The following RANBP2 variants were observed in gnomAD, a reference collection of about 807,000 sequenced individuals.
The protein encoded by RANBP2 is E3 SUMO-protein ligase RanBP2.
Under a neutral mutation model 303.6 loss-of-function variants are expected in RANBP2, and 57 were observed. The observed-to-expected ratio is 0.19, with a 90% confidence interval of 0.15 to 0.23. The LOEUF (loss-of-function observed/expected upper bound fraction) is 0.23, where lower values mean the gene tolerates loss of function less well. Among genes scored for constraint, RANBP2 ranks in the 10% least tolerant of loss-of-function variants. The pLI, the probability that RANBP2 is intolerant of heterozygous loss-of-function variation, is 1.00. For synonymous variants in RANBP2, 1,167 were observed against 1,301.5 expected (o/e 0.90, Z 2.23); for missense variants, 3,138 against 3,780.8 (o/e 0.83, Z 4.46).
chr2:109,587,347 A>C, the RANBP2 span, among the ~76,000 whole-genome samples: 5 of 152,200 alleles, frequency 3.3e-5, no homozygotes, highest in African/African-American at 9.6e-5. Context: ...AAAAAAGATA[A>C]AACTATGACA....
chr2:108,855,686 G>C, the RANBP2 span, among the ~76,000 whole-genome samples: 1 of 152,276 alleles, frequency 6.6e-6, no homozygotes, highest in East Asian at 1.9e-4. Context: ...CAGAGGCACA[G>C]ATCTTACTTT....
downstream of RANBP2, chr2:108,789,101 G>C: frequency 1.4e-6 from 1 of 697,106 alleles, no homozygotes; most frequent in African/African-American, 1.8e-5. Context: ...TCTGGAGCCT[G>C]CTAAATAGTT....
the RANBP2 span, among the ~76,000 whole-genome samples, chr2:108,875,186 A>ACTAGACAAGGAAATAAGAAACAAAG: frequency 2.6e-5 from 4 of 151,818 alleles, no homozygotes; most frequent in Non-Finnish European, 5.9e-5. Flanking sequence ...TTGTCAAATA[A>ACTAGACAAGGAAATAAGAAACAAAG]CTAGACAAGG....
the RANBP2 span, among the ~76,000 whole-genome samples, chr2:109,369,307 C>T: frequency 6.6e-6 from 1 of 152,050 alleles, no homozygotes; most frequent in East Asian, 1.9e-4. Flanking sequence ...TGAGATTGGG[C>T]CATTGCACTC....
the RANBP2 span, among the ~76,000 whole-genome samples, chr2:108,999,323 C>T: frequency 6.6e-6 from 1 of 152,200 alleles, no homozygotes; most frequent in Non-Finnish European, 1.5e-5. Context: ...TAGCTCCATT[C>T]CTATAATTAA....
At chr2:109,524,600 T>C in the RANBP2 span, among the ~76,000 whole-genome samples, 1 of 151,678 alleles carries the variant, frequency 6.6e-6, no homozygotes, top group Non-Finnish European at 1.5e-5. Context: ...CTACTAAAAA[T>C]ACAGAAATTA....
the RANBP2 span, among the ~76,000 whole-genome samples, chr2:109,666,115 A>C: frequency 7.3e-6 from 1 of 137,442 alleles, no homozygotes; most frequent in Admixed American, 7.8e-5. Context: ...GTCACAAAAC[A>C]AAACAAAACA....
At chr2:109,589,115 T>C in the RANBP2 span, among the ~76,000 whole-genome samples, 16 of 151,924 alleles carry the variant, frequency 1.1e-4, no homozygotes, top group African/African-American at 3.6e-4. Context: ...TTTTTGTTTG[T>C]TTGTTTGTTG....
Position 108,764,355 on chromosome 2 carries a change from A to G in RANBP2, c.3816A>G (p.Ala1272=). Residue 1272 remains alanine, a synonymous_variant, in exon 20 of 29, where the codon GCA becomes GCG. Transcript: ENST00000283195. The stretch of plus-strand genomic sequence containing the variant: ...TTGTATGGCATGCCCTTGATTATGC[A>G]GATGAGTTGCCAAAACCAGAACAAC... The part of the protein sequence containing the change: ...RSFVWHALDY[A]DELPKPEQLA... 6.2e-7 allele frequency: 1 copy of G among 1,613,888 alleles called. No homozygotes were observed. Among genetic ancestry groups the G allele is most frequent in the Non-Finnish European group, 8.5e-7 (1 of 1,179,976 alleles).
the RANBP2 span, chr2:109,615,888 C>A: frequency 6.2e-7 from 1 of 1,612,692 alleles, no homozygotes; most frequent in Non-Finnish European, 8.5e-7. Flanking sequence ...CTCTAGTGGA[C>A]GTATAAAACC....
At chr2:109,087,717 A>C in the RANBP2 span, among the ~76,000 whole-genome samples, 7 of 152,260 alleles carry the variant, frequency 4.6e-5, 1 homozygote, top group South Asian at 1.4e-3. Context: ...GGAACCTATG[A>C]GCTGCAACAG....
At chr2:108,865,496 GACAAAATAATTACCTC>G in the RANBP2 span, among the ~76,000 whole-genome samples, 1 of 152,090 alleles carries the variant, frequency 6.6e-6, no homozygotes, top group African/African-American at 2.4e-5. Flanking sequence ...TTGTGCCATA[GACAAAATAATTACCTC>G]TCTAAGTCTT....
chr2:109,435,047 G>A, the RANBP2 span, among the ~76,000 whole-genome samples: 1 of 152,096 alleles, frequency 6.6e-6, no homozygotes, highest in Non-Finnish European at 1.5e-5. Context: ...CTCTTGGTCT[G>A]TGTTTTCCAA....
At chr2:108,994,607 T>C in the RANBP2 span, among the ~76,000 whole-genome samples, 1 of 152,080 alleles carries the variant, frequency 6.6e-6, no homozygotes, top group Non-Finnish European at 1.5e-5. Context: ...GAAATATTGA[T>C]ATCTTCATTT....
chr2:108,756,559 C>T (rs904271395), intron 17 of RANBP2, among the ~76,000 whole-genome samples: 1 of 152,182 alleles, frequency 6.6e-6, no homozygotes, highest in African/African-American at 2.4e-5. Context: ...TGAATTTGCA[C>T]AAAAATTTTG....
chr2:109,411,716 T>C, the RANBP2 span, among the ~76,000 whole-genome samples: 6 of 152,152 alleles, frequency 3.9e-5, no homozygotes, highest in Middle Eastern at 3.2e-3. Context: ...ACACCCATGC[T>C]AGGAAGGCCG....
At chr2:108,774,704 C>CT (rs5833302) in intron 23 of RANBP2, among the ~76,000 whole-genome samples, 18,783 of 138,126 alleles carry the variant, frequency 0.14, 1,409 homozygotes, top group Middle Eastern at 0.17. Context: ...TTTCTAGTTT[C>CT]TTTTTTTTTT....
chr2:109,005,589 C>G, the RANBP2 span, among the ~76,000 whole-genome samples: 1 of 152,248 alleles, frequency 6.6e-6, no homozygotes, highest in Non-Finnish European at 1.5e-5. Context: ...TCCCCCTCGT[C>G]TGGCACGTAG....
At chr2:109,085,601 C>CTT in the RANBP2 span, among the ~76,000 whole-genome samples, 63 of 132,176 alleles carry the variant, frequency 4.8e-4, no homozygotes, top group Middle Eastern at 3.9e-3. Flanking sequence ...CCACACCTGG[C>CTT]TTTTTTTTTT....
Sources: allele counts gnomAD v4.1 joint callset (sites outside exome capture counted in the v4.1 genomes callset), GRCh38; gene constraint gnomAD v4.1.1; transcripts MANE v1.5; gene names NCBI Gene and HGNC (gene_info 2026-07-23, HGNC 2026-07-21).